Variants in TMC8 observed in about 807,000 individuals in gnomAD.
TMC8 encodes the protein transmembrane channel-like protein 8.
A neutral mutation model predicts 76.0 loss-of-function variants in TMC8; 71 were observed. The observed-to-expected ratio is 0.93, with a 90% CI of 0.77 to 1.14. TMC8 has a LOEUF of 1.14. TMC8 is among the 50% of genes most tolerant of loss of function. TMC8 has a pLI of 0.00. For synonymous variants in TMC8, 433 were observed against 433.8 expected (o/e 1.00, Z 0.02); for missense variants, 924 against 947.9 (o/e 0.97, Z 0.33).
chr17:78,134,710 C>T, intron 8 of TMC8, 146 bp downstream of exon 8: 1 of 1,507,854 alleles, frequency 6.6e-7, no homozygotes, highest in Non-Finnish European at 9.0e-7. Flanking sequence ...CGGGCTCCCA[C>T]TGGATATTCC....
intron 15 of TMC8, among the ~76,000 whole-genome samples, chr17:78,139,769 C>T (rs964917927): frequency 2.4e-4 from 34 of 139,092 alleles, no homozygotes; most frequent in African/African-American, 8.1e-5. Flanking sequence ...CACGGTGGTT[C>T]GTGCCTGTAA....
At chr17:78,139,351 T>A in intron 15 of TMC8, 111 bp downstream of exon 15, 1 of 1,193,102 alleles carries the variant, frequency 8.4e-7, no homozygotes, top group Non-Finnish European at 1.2e-6. Flanking sequence ...TTCTTCCCAC[T>A]GGAGGGCGTG....
rs772124264 is a variant in TMC8, at chr17:78,137,227, GC to G, written c.1128-3del. 1 of 1,613,524 alleles carries G rather than the reference GC, an allele frequency of 6.2e-7. No individual in the cohort carries two copies. Among genetic ancestry groups the G allele is most frequent in the Non-Finnish European group, 8.5e-7 (1 of 1,179,864 alleles). On this transcript the variant is annotated splice_polypyrimidine_tract_variant and splice_region_variant and intron_variant, in intron 9 of 15. Coordinates refer to ENST00000318430, the MANE Select transcript of TMC8 (RefSeq NM_152468.5). ...GGCCCCTCCACCTGACAAGGTCCCTGCCCCCAGGTGCGTGGTGCTGAAGCTG... is the reference window on the plus strand; with the variant it reads ...GGCCCCTCCACCTGACAAGGTCCCTGCCCCAGGTGCGTGGTGCTGAAGCTG...
chr17:78,132,486 C>T lies in TMC8; in HGVS notation c.426C>T (p.Asp142=). ...CCCTGGTCTGGCTCCGCCCCCCTGA[C>T]CCAGGCCCCACCCTGAACTTGAGTG... The part of the protein sequence containing the change: ...LLPLVWLRPP[D]PGPTLNLTLQ... The change falls in exon 4 of 16, where the codon GAC becomes GAT. Residue 142 remains aspartate, a synonymous_variant. Transcript: ENST00000318430. The T allele has an allele frequency of 1.2e-6, 2 of 1,611,190 alleles. No individual in the cohort carries two copies. Among genetic ancestry groups the T allele is most frequent in the Non-Finnish European group, 8.5e-7 (1 of 1,179,192 alleles).
intron 7 of TMC8, 105 bp from the exon 8 acceptor site, chr17:78,134,289 A>T: frequency 1.5e-6 from 2 of 1,341,684 alleles, no homozygotes; most frequent in Middle Eastern, 2.5e-4. Flanking sequence ...GTGACTGTGT[A>T]TGTGAGCGTG....
rs779215459 is a variant in TMC8 at position 78,138,164 on chromosome 17, C to G, written c.1509C>G (p.Leu503=). ...TGCCCCTGCTGAATAGCGTCTTCCT[C>G]TTCCTCACCTTCTACATCAAGAAGG... is the stretch of plus-strand genomic sequence containing the variant. ...PLLPLLNSVF[L]FLTFYIKKYT... The change falls in exon 12 of 16, where the codon CTC becomes CTG. Residue 503 remains leucine, a synonymous_variant. Coordinates refer to ENST00000318430, the MANE Select transcript of TMC8 (RefSeq NM_152468.5). 1 of 1,613,904 alleles carries G rather than the reference C, an allele frequency of 6.2e-7. No homozygotes were observed. The highest frequency in any genetic ancestry group is 8.5e-7 in the Non-Finnish European group (1 of 1,179,982).
In TMC8 at chr17:78,138,101, G is replaced by A. The variant is rs1474266153; in HGVS notation, c.1446G>A (p.Gln482=). ...ATGTGCTGGACATCGTGGCGGGGCA[G>A]ACGGTCACCTGGATGGGCCTCTTCT... ...PKNVLDIVAG[Q]TVTWMGLFYC... Residue 482 remains glutamine (Q), a synonymous_variant, in exon 12 of 16, where the codon CAG becomes CAA. Transcript: ENST00000318430. 10 of 1,614,004 alleles carry A rather than the reference G, an allele frequency of 6.2e-6. No individual in the cohort carries two copies. The East Asian group carries it at 6.7e-5, about 11-fold the overall frequency.
rs138940132 is a variant in TMC8, at chr17:78,133,407, C to A, written c.533C>A (p.Ala178Asp). The change falls in exon 6 of 16, where the codon GCC becomes GAC. Residue 178 changes from alanine (A) to aspartate (D), a missense_variant and splice_region_variant. Coordinates refer to ENST00000318430, the MANE Select transcript of TMC8 (RefSeq NM_152468.5). ...NQLWHVLTGR[A>D]FTNTYLFYGA... Reference sequence around the variant, plus strand: ...GGGTATCTTCGTCGCTGTCCCCAGGCCTTCACCAACACCTATCTCTTCTAC... The same window carrying A: ...GGGTATCTTCGTCGCTGTCCCCAGGACTTCACCAACACCTATCTCTTCTAC... The A allele has an allele frequency of 3.8e-5, 61 of 1,613,688 alleles. No homozygotes were observed. The highest frequency in any genetic ancestry group is 8.8e-5 in the South Asian group (8 of 91,090).
At chr17:78,133,725 G>T in intron 6 of TMC8, 128 bp from the exon 7 acceptor site, 2 of 1,537,392 alleles carry the variant, frequency 1.3e-6, no homozygotes, top group Non-Finnish European at 8.8e-7. Flanking sequence ...CCCCTACCCC[G>T]ACTCCTCACT....
In TMC8 at chr17:78,131,611, C is replaced by A. The variant is rs1359422042; in HGVS notation, c.23C>A (p.Ser8Ter). The A allele has an allele frequency of 1.3e-6, 2 of 1,548,930 alleles. No individual in the cohort carries two copies. The highest frequency in any genetic ancestry group is 3.9e-5 in the Admixed American group (2 of 51,136). ...GAGATGCTGCTGCCGCGGTCGGTGTCATCGGAGCGGGCCCCTGGGGTGCCG... is the reference window on the plus strand; with the variant it reads ...GAGATGCTGCTGCCGCGGTCGGTGTAATCGGAGCGGGCCCCTGGGGTGCCG... Reference protein sequence around the residue: MLLPRSVSSERAPGVPEP... With the variant: MLLPRSV Residue 8 changes from serine to a stop codon, truncating the protein, a stop_gained, in exon 2 of 16, where the codon TCA becomes TAA. Transcript: ENST00000318430. LOFTEE classifies it high-confidence loss of function.
rs772044939 is a variant in TMC8, at chr17:78,132,497, C to A, written c.437C>A (p.Thr146Asn). The A allele has an allele frequency of 4.3e-6, 7 of 1,610,590 alleles. No individual in the cohort carries two copies. Among genetic ancestry groups the A allele is most frequent in the Non-Finnish European group, 5.9e-6 (7 of 1,179,060 alleles). The change falls in exon 4 of 16, where the codon ACC (threonine) becomes AAC (asparagine). Residue 146 changes from threonine to asparagine, a missense_variant. Thr to Asn is a moderately conservative substitution (Grantham distance 65, BLOSUM62 0). Coordinates refer to ENST00000318430, the MANE Select transcript of TMC8 (RefSeq NM_152468.5). ...VWLRPPDPGP[T>N]LNLTLQCPGS... ...CTCCGCCCCCCTGACCCAGGCCCCA[C>A]CCTGAACTTGAGTGAGTGTGAGGCC...
chr17:78,136,447 G>T (rs946930362), intron 9 of TMC8, among the ~76,000 whole-genome samples: 2 of 152,030 alleles, frequency 1.3e-5, no homozygotes, highest in African/African-American at 4.8e-5. Flanking sequence ...TCCAGCCTAG[G>T]CAATGGAGTG....
chr17:78,134,521 G>A lies in TMC8; in HGVS notation c.944G>A (p.Ser315Asn). 6.2e-7 allele frequency: 1 copy of A among 1,614,138 alleles called. No homozygotes were observed. ...GGGCTCCTGGTGGTTGGGGCCATCA[G>A]CGCCATCTTCTGGGCTACCAAGTAC... ...LNGLLVVGAI[S>N]AIFWATKYSQ... The change falls in exon 8 of 16, where the codon AGC (serine) becomes AAC (asparagine). Residue 315 changes from serine to asparagine, a missense_variant. Transcript: ENST00000318430.
At chr17:78,134,051 G>A (rs1447700238) in intron 7 of TMC8, 51 bp downstream of exon 7, 4 of 1,612,548 alleles carry the variant, frequency 2.5e-6, no homozygotes, top group Admixed American at 3.3e-5. Flanking sequence ...GTATATGGGA[G>A]CGAGTGCGTG....
Position 78,140,905 on chromosome 17 carries a change from T to C in TMC8, c.1974T>C (p.Ser658=). ...RLLPEPGPSD[S]PGPKYPASQA... ...TGCCGGAGCCAGGCCCGAGCGACTC[T>C]CCGGGCCCCAAGTACCCTGCCTCCC... Residue 658 remains serine, a synonymous_variant, in exon 16 of 16, where the codon TCT becomes TCC. Coordinates refer to ENST00000318430, the MANE Select transcript of TMC8 (RefSeq NM_152468.5). The C allele has an allele frequency of 1.2e-6, 2 of 1,607,576 alleles. No homozygotes were observed. The highest frequency in any genetic ancestry group is 1.7e-6 in the Non-Finnish European group (2 of 1,177,776).
At position 78,131,984 on chromosome 17, in the gene TMC8, G is replaced by C; in HGVS notation, c.252G>C (p.Leu84=). The C allele has an allele frequency of 6.6e-7, 1 of 1,525,170 alleles. No individual in the cohort carries two copies. The highest frequency in any genetic ancestry group is 1.4e-5 in the African/African-American group (1 of 72,356). 94.5% of individuals were successfully genotyped at this position (1,525,170 alleles called of 1,614,324 possible). ...GCCTGCGGGAGGCAGCGCAGCGGCT[G>C]GCCCGGGGCCTTGGGCTCTGGGAGG... is the stretch of plus-strand genomic sequence containing the variant. ...ERRLREAAQR[L]ARGLGLWEGA... The change falls in exon 3 of 16, where the codon CTG becomes CTC. Residue 84 remains leucine (L), a synonymous_variant. Transcript: ENST00000318430.
At position 78,141,256 on chromosome 17, in the gene TMC8, C is replaced by G. The variant is rs454138; in HGVS notation, c.*144C>G. On this transcript the variant is annotated 3_prime_UTR_variant, in exon 16 of 16. Coordinates refer to ENST00000318430, the MANE Select transcript of TMC8 (RefSeq NM_152468.5). ...CCCAAAGATGGACACACAACCCCAG[C>G]GGCAGCAGGAAAAACATATGGGAAT... 270,062 of 417,804 alleles carry G rather than the reference C, an allele frequency of 0.65. 88,458 individuals carry two copies. Among genetic ancestry groups the G allele is most frequent in the African/African-American group, 0.78 (38,016 of 48,766 alleles). The allele number at this position is 417,804 out of a possible 1,614,324, so 25.9% of individuals were successfully genotyped here.
At position 78,133,142 on chromosome 17, in the gene TMC8, G is replaced by A. The variant is rs190820706; in HGVS notation, c.532-264G>A. Reference sequence around the variant, plus strand: ...AGGGACAAAGGGGGAAAAGTGCCCCGGCCTCTGGGAGAAGCACTTCCCCAC... The same window carrying A: ...AGGGACAAAGGGGGAAAAGTGCCCCAGCCTCTGGGAGAAGCACTTCCCCAC... On this transcript the variant is annotated intron_variant, in intron 5 of 15. Transcript: ENST00000318430. 4.0e-3 allele frequency among the ~76,000 whole-genome samples: 615 copies of A among 152,282 alleles called. 2 individuals carry two copies. The highest frequency in any genetic ancestry group is 6.8e-3 in the Middle Eastern group (2 of 294).
At chr17:78,134,156 C>T (rs1054766978) in intron 7 of TMC8, among the ~76,000 whole-genome samples, 156 bp downstream of exon 7, 3 of 152,104 alleles carry the variant, frequency 2.0e-5, no homozygotes, top group Admixed American at 6.5e-5. Context: ...TGATGGAGAG[C>T]GTGTGAATGT....
Sources: gnomAD v4.1 joint callset for allele counts (sites outside exome capture counted in the v4.1 genomes callset) on GRCh38, gnomAD v4.1.1 for gene constraint, MANE v1.5 for transcripts, NCBI Gene and HGNC (gene_info 2026-07-23, HGNC 2026-07-21) for gene names.